The following IP6K2 variants were observed in gnomAD, a reference collection of about 807,000 sequenced individuals.
IP6K2 encodes the protein inositol hexakisphosphate kinase 2.
IP6K2 carries 9 observed loss-of-function variants against 43.3 expected under a neutral mutation model. The observed-to-expected ratio is 0.21, with a 90% CI of 0.13 to 0.36. The LOEUF (loss-of-function observed/expected upper bound fraction) is 0.36. IP6K2 is among the 10% of genes least tolerant of loss of function. The pLI, the probability that IP6K2 is intolerant of heterozygous loss-of-function variation, is 1.00. For synonymous variants in IP6K2, 209 were observed against 202.4 expected (o/e 1.03, Z -0.28); for missense variants, 332 against 538.4 (o/e 0.62, Z 3.79).
chr3:48,692,088 G>A (rs967858380), intron 3 of IP6K2, among the ~76,000 whole-genome samples: 6 of 152,016 alleles, frequency 3.9e-5, no homozygotes, highest in Non-Finnish European at 5.9e-5. Flanking sequence ...CCGCCCTGGC[G>A]TCCTGAAGTG....
chr3:48,695,172 C>T lies in IP6K2; in HGVS notation c.120G>A (p.Leu40=). Residue 40 remains leucine (L), a synonymous_variant, in exon 2 of 6, where the codon CTG becomes CTA. Coordinates refer to ENST00000328631, the MANE Select transcript of IP6K2 (RefSeq NM_016291.4). The surrounding 1 kb of genome is among the most constrained non-coding windows in gnomAD (Gnocchi z 4.6). ...GTTCCCTTGGGACCAGGGGCTTGCACAGGGTTGTCTCATTGAAGCGGAGCA... is the reference window on the plus strand; with the variant it reads ...GTTCCCTTGGGACCAGGGGCTTGCATAGGGTTGTCTCATTGAAGCGGAGCA... ...SCVLRFNETT[L]CKPLVPREHQ... 6.2e-7 allele frequency: 1 copy of T among 1,603,552 alleles called. No individual in the cohort carries two copies. The highest frequency in any genetic ancestry group is 1.1e-5 in the South Asian group (1 of 90,234).
chr3:48,714,048 C>T (rs530054309), intron 1 of IP6K2, among the ~76,000 whole-genome samples: 2 of 152,200 alleles, frequency 1.3e-5, no homozygotes, highest in East Asian at 1.9e-4. Flanking sequence ...ACCTGAGAGG[C>T]GAAGGTTGTA....
intron 2 of IP6K2, chr3:48,693,982 GCGCCTTAC>G: frequency 7.2e-7 from 1 of 1,381,736 alleles, no homozygotes; most frequent in South Asian, 1.8e-5. Flanking sequence ...GTGCCGACGA[GCGCCTTAC>G]AAACGACTGG....
chr3:48,707,307 C>T (rs186697525), intron 1 of IP6K2, among the ~76,000 whole-genome samples: 1 of 152,314 alleles, frequency 6.6e-6, no homozygotes, highest in East Asian at 1.9e-4. Context: ...AACACTGATC[C>T]GGCCCACCCT....
chr3:48,701,892 C>T (rs1323384193), intron 1 of IP6K2, among the ~76,000 whole-genome samples: 5 of 151,802 alleles, frequency 3.3e-5, no homozygotes, highest in South Asian at 2.1e-4. Context: ...AGCGAGACTT[C>T]GTCTAAAAAA....
intron 1 of IP6K2, among the ~76,000 whole-genome samples, chr3:48,703,430 CACGGTGGCTCACGCCTGTA>C (rs1356718995): frequency 1.2e-4 from 19 of 152,060 alleles, no homozygotes; most frequent in South Asian, 4.1e-4. Context: ...CTCGGCCAGG[CACGGTGGCTCACGCCTGTA>C]ATCCCAGCAC....
Position 48,717,211 on chromosome 3 carries a change from A to G in IP6K2, c.-185T>C, listed in dbSNP as rs1473225621. The G allele has an allele frequency of 6.5e-6, 1 of 154,992 alleles. No homozygotes were observed. The highest frequency in any genetic ancestry group is 2.4e-5 in the African/African-American group (1 of 41,524). The allele number at this position is 154,992 out of a possible 1,614,324, so 9.6% of individuals were successfully genotyped here. ...TCCGTCCTATTGTTTCTCTCGCACC[A>G]AAATGGCTGCGGCCAGGCCGAGCCC... On this transcript the variant is annotated 5_prime_UTR_variant, in exon 1 of 6. Transcript: ENST00000328631.
intron 1 of IP6K2, among the ~76,000 whole-genome samples, chr3:48,714,154 A>C (rs1237891059): frequency 6.6e-6 from 1 of 152,200 alleles, no homozygotes; most frequent in Non-Finnish European, 1.5e-5. Context: ...AAACCCCTGA[A>C]TCTTAAAGGG....
At chr3:48,715,587 C>A in intron 1 of IP6K2, 1 of 936,850 alleles carries the variant, frequency 1.1e-6, no homozygotes. Flanking sequence ...TCTCCCAGGT[C>A]CCTGCCTTGC....
chr3:48,694,566 T>C, intron 2 of IP6K2: 1 of 1,523,960 alleles, frequency 6.6e-7, no homozygotes, highest in Non-Finnish European at 8.8e-7. Flanking sequence ...AATTATCATA[T>C]GTGAATCGAA....
At chr3:48,692,857 C>A (rs2077919873) in intron 3 of IP6K2, 97 bp downstream of exon 3, 1 of 829,550 alleles carries the variant, frequency 1.2e-6, no homozygotes, top group Non-Finnish European at 2.0e-6. Flanking sequence ...CCTACTAAAT[C>A]CACTTCAGTC....
chr3:48,715,237 G>C (rs2081062352), intron 1 of IP6K2: 7 of 1,442,582 alleles, frequency 4.9e-6, no homozygotes, highest in Middle Eastern at 3.4e-4. Context: ...TATCCCACTA[G>C]GTGAAATAAC....
intron 1 of IP6K2, among the ~76,000 whole-genome samples, chr3:48,703,855 C>T (rs1304195308): frequency 1.3e-5 from 2 of 152,160 alleles, no homozygotes; most frequent in Admixed American, 6.5e-5. Context: ...CTTTGGGAGG[C>T]AGAGGCGGGC....
chr3:48,707,740 A>C (rs1218073771), intron 1 of IP6K2, among the ~76,000 whole-genome samples: 1 of 152,180 alleles, frequency 6.6e-6, no homozygotes, highest in Non-Finnish European at 1.5e-5. Context: ...ACCCAGGCTC[A>C]TTCTGGTTTT....
At chr3:48,692,791 T>G (rs1452028131) in intron 3 of IP6K2, among the ~76,000 whole-genome samples, 163 bp downstream of exon 3, 1 of 152,250 alleles carries the variant, frequency 6.6e-6, no homozygotes, top group Admixed American at 6.5e-5. Flanking sequence ...CAGAGTCAAT[T>G]AAACAAAGAG....
chr3:48,709,127 T>G (rs1311859107), intron 1 of IP6K2, among the ~76,000 whole-genome samples: 1 of 152,244 alleles, frequency 6.6e-6, no homozygotes, highest in African/African-American at 2.4e-5. Context: ...TTCCTGCCAG[T>G]GGGCAATGTT....
At position 48,688,141 on chromosome 3, in the gene IP6K2, C is replaced by T; in HGVS notation, c.*132G>A. On this transcript the variant is annotated 3_prime_UTR_variant, in exon 6 of 6. Transcript: ENST00000328631. This position sits in a 1 kb window ranked among gnomAD's most constrained non-coding sequence, Gnocchi z 5.1. ...CAGCTGGGACTGGCTCAGGCTGGGG[C>T]TCACAGAGGCCACTGCACATCAGCT... 1 of 919,446 alleles carries T rather than the reference C, an allele frequency of 1.1e-6. No individual in the cohort carries two copies. The highest frequency in any genetic ancestry group is 1.7e-6 in the Non-Finnish European group (1 of 589,790). The allele number at this position is 919,446 out of a possible 1,614,324, so 57.0% of individuals were successfully genotyped here. A position where few individuals can be genotyped will look rare whatever the true frequency, so the allele number is the denominator to read the frequency against.
rs1051894982 is a variant in IP6K2 at position 48,695,894 on chromosome 3, ATTTT to A, written c.-130-477_-130-474del. On this transcript the variant is annotated intron_variant, in intron 1 of 5. Coordinates refer to ENST00000328631, the MANE Select transcript of IP6K2 (RefSeq NM_016291.4). This position sits in a 1 kb window ranked among gnomAD's most constrained non-coding sequence, Gnocchi z 4.6. Reference sequence around the variant, plus strand: ...TATATATAATTTTTTAATATATATAATTTTTTTTTGAGATGGAGTCTCACTCTAT... The same window carrying A: ...TATATATAATTTTTTAATATATATAATTTTTGAGATGGAGTCTCACTCTAT... 2.0e-5 allele frequency among the ~76,000 whole-genome samples: 3 copies of A among 147,034 alleles called. No homozygotes were observed. Among genetic ancestry groups the A allele is most frequent in the Non-Finnish European group, 4.5e-5 (3 of 66,936 alleles).
Position 48,692,976 on chromosome 3 carries a change from G to A in IP6K2, c.406C>T (p.Arg136Cys), listed in dbSNP as rs745964749. Residue 136 changes from arginine to cysteine, a missense_variant, in exon 3 of 6, where the codon CGT becomes TGT. Physicochemically the swap from Arg to Cys is radical, Grantham distance 180. Coordinates refer to ENST00000328631, the MANE Select transcript of IP6K2 (RefSeq NM_016291.4). ...KTPKDWVRQH[R>C]KEEKMKSHKL... ...CACCTCTTCATTTTCTCCTCTTTACGGTGCTGACGCACCCAGTCCTTAGGG... is the reference window on the plus strand; with the variant it reads ...CACCTCTTCATTTTCTCCTCTTTACAGTGCTGACGCACCCAGTCCTTAGGG... 11 of 1,612,990 alleles carry A rather than the reference G, an allele frequency of 6.8e-6. No individual in the cohort carries two copies. The highest frequency in any genetic ancestry group is 6.6e-5 in the South Asian group (6 of 90,996).
Sources: gnomAD v4.1 joint callset for allele counts (sites outside exome capture counted in the v4.1 genomes callset) on GRCh38, gnomAD v4.1.1 for gene constraint, Gnocchi (gnomAD v3.1) non-coding constraint, MANE v1.5 for transcripts, NCBI Gene and HGNC (gene_info 2026-07-23, HGNC 2026-07-21) for gene names.